Variants in GIT2 observed in about 807,000 individuals in gnomAD.
The protein encoded by GIT2 is ARF GTPase-activating protein GIT2.
Under a neutral mutation model 100.3 loss-of-function variants are expected in GIT2, and 32 were observed. The ratio of observed to expected loss-of-function variants is 0.32; its 90% CI spans 0.24 to 0.43. GIT2 has a LOEUF of 0.43. Ranked by LOEUF, GIT2 falls within the 20% of genes least tolerant of loss-of-function variation. The pLI is 1.00. For synonymous variants in GIT2, 353 were observed against 364.1 expected, an observed-to-expected ratio of 0.97 and a Z score of 0.35; for missense variants, 737 against 975.1, an observed-to-expected ratio of 0.76 and a Z score of 3.25.
intron 7 of GIT2, among the ~76,000 whole-genome samples, chr12:109,979,633 A>G (rs561150081): frequency 6.6e-6 from 1 of 152,282 alleles, no homozygotes; most frequent in African/African-American, 2.4e-5. Flanking sequence ...TTGAAGTCCT[A>G]TCAGAAGTAA....
In GIT2 at chr12:109,947,310, T is replaced by A; in HGVS notation, c.1587A>T (p.Gly529=). 6.2e-7 allele frequency: 1 copy of A among 1,614,134 alleles called. No individual in the cohort carries two copies. The highest frequency in any genetic ancestry group is 8.5e-7 in the Non-Finnish European group (1 of 1,179,980). ...GSGQKPYLPM[G]EASRPEESRM... is the part of the protein sequence containing the mutation. ...TGCTCTCTTCGGGGCGGCTCGCTTC[T>A]CCCATTGGGAGATATGGTTTCTGAC... The change falls in exon 15 of 20, where the codon GGA becomes GGT. Residue 529 remains glycine (G), a synonymous_variant. Coordinates refer to ENST00000355312, the MANE Select transcript of GIT2 (RefSeq NM_057169.5). The surrounding 1 kb of genome is among the most constrained non-coding windows in gnomAD (Gnocchi z 4.3).
In GIT2 at chr12:109,959,829, G is replaced by C; in HGVS notation, c.1099+18C>G. On this transcript the variant is annotated intron_variant, in intron 12 of 19. Transcript: ENST00000355312. ...AGAGGGCCAAAAAATGCAAGTGTTT[G>C]GAGGTTTGAGCAGTTACCTTTTGAA... is the stretch of plus-strand genomic sequence containing the variant. 6.9e-7 allele frequency: 1 copy of C among 1,448,474 alleles called. No homozygotes were observed. The highest frequency in any genetic ancestry group is 9.7e-7 in the Non-Finnish European group (1 of 1,029,782). The allele number at this position is 1,448,474 out of a possible 1,614,324, so 89.7% of individuals were successfully genotyped here.
At chr12:109,946,817 A>G (rs576867088) in intron 15 of GIT2, among the ~76,000 whole-genome samples, 13 of 152,312 alleles carry the variant, frequency 8.5e-5, no homozygotes, top group Admixed American at 2.6e-4. Context: ...GAGGAGCTGA[A>G]AAGACGTCTT....
At chr12:109,993,999 A>G (rs1387022987) in intron 1 of GIT2, among the ~76,000 whole-genome samples, 2 of 151,814 alleles carry the variant, frequency 1.3e-5, no homozygotes, top group Non-Finnish European at 2.9e-5. Context: ...CAGAGATTGG[A>G]AATGTCCAGA....
intron 14 of GIT2, among the ~76,000 whole-genome samples, chr12:109,950,267 G>A (rs899886028): frequency 7.2e-5 from 11 of 152,180 alleles, no homozygotes; most frequent in African/African-American, 2.7e-4. Context: ...AGTGTGCCAC[G>A]TCCTCAGGTC....
At chr12:109,995,237 A>T (rs543675258) in intron 1 of GIT2, among the ~76,000 whole-genome samples, 1 of 152,208 alleles carries the variant, frequency 6.6e-6, no homozygotes, top group Non-Finnish European at 1.5e-5. Context: ...TTGATCTCTA[A>T]ATGTGAATAT....
chr12:109,970,134 G>A (rs956157441), intron 7 of GIT2, among the ~76,000 whole-genome samples: 1 of 152,158 alleles, frequency 6.6e-6, no homozygotes, highest in African/African-American at 2.4e-5. Context: ...TTCGGGGTAA[G>A]GTGTGAGGTT....
Position 109,981,039 on chromosome 12 carries a change from C to G in GIT2, c.631G>C (p.Gly211Arg), listed in dbSNP as rs1886215835. Residue 211 changes from glycine to arginine, a missense_variant, in exon 7 of 20, where the codon GGG (glycine) becomes CGG (arginine). Gly to Arg is a moderately radical substitution (Grantham distance 125, BLOSUM62 -2). Around this residue, in one of 3 missense-constraint regions of GIT2, gnomAD observed 266 missense variants for 376.2 expected, o/e 0.71. Coordinates refer to ENST00000355312, the MANE Select transcript of GIT2 (RefSeq NM_057169.5). Reference sequence around the variant, plus strand: ...AGGCGCTCTGCCAGCTCATGGTGCCCTCCTTGCCTACCAAGAGAAAACAAA... The same window carrying G: ...AGGCGCTCTGCCAGCTCATGGTGCCGTCCTTGCCTACCAAGAGAAAACAAA... ...KTPVDYARQGGHHELAERLVE... is the reference protein window; with the variant it reads ...KTPVDYARQGRHHELAERLVE... 6.2e-7 allele frequency: 1 copy of G among 1,605,782 alleles called. No individual in the cohort carries two copies. The highest frequency in any genetic ancestry group is 1.1e-5 in the South Asian group (1 of 90,880).
At position 109,959,932 on chromosome 12, in the gene GIT2, G is replaced by A. The variant is rs148638091; in HGVS notation, c.1014C>T (p.Asn338=). 2.7e-5 allele frequency: 43 copies of A among 1,613,042 alleles called. No individual in the cohort carries two copies. Among genetic ancestry groups the A allele is most frequent in the African/African-American group, 1.5e-4 (11 of 74,872 alleles). Residue 338 remains asparagine (N), a synonymous_variant, in exon 12 of 20, where the codon AAC becomes AAT. Coordinates refer to ENST00000355312, the MANE Select transcript of GIT2 (RefSeq NM_057169.5). ...NQGRQKLARF[N]AHEFATLVID... ...TGACCAGCGTGGCAAACTCATGGGC[G>A]TTGAACCGAGCTAACTTCTGTCTGC...
chr12:109,980,220 G>A (rs1886034999), intron 7 of GIT2, among the ~76,000 whole-genome samples: 1 of 151,924 alleles, frequency 6.6e-6, no homozygotes, highest in Admixed American at 6.6e-5. Context: ...ACACCACCAT[G>A]CCTGGCTGAT....
intron 8 of GIT2, among the ~76,000 whole-genome samples, chr12:109,965,994 GTT>G (rs752096162): frequency 3.2e-4 from 39 of 122,418 alleles, no homozygotes; most frequent in African/African-American, 6.9e-4. Flanking sequence ...GGTCAGGGTT[GTT>G]TTTTTTTTTT....
chr12:109,951,332 G>A lies in GIT2; in HGVS notation c.1243-16C>T, dbSNP rs758103920. On this transcript the variant is annotated splice_polypyrimidine_tract_variant and intron_variant, in intron 13 of 19. Transcript: ENST00000355312. ...AATCTAGGCTCTAAAAATAAATTGG[G>A]AAAACGTTCACAATCTGAGATGACG... The A allele has an allele frequency of 6.3e-7, 1 of 1,594,930 alleles. No individual in the cohort carries two copies. Among genetic ancestry groups the A allele is most frequent in the Non-Finnish European group, 8.6e-7 (1 of 1,163,896 alleles).
At chr12:109,984,524 G>A (rs911360899) in intron 4 of GIT2, among the ~76,000 whole-genome samples, 3 of 152,048 alleles carry the variant, frequency 2.0e-5, no homozygotes, top group Admixed American at 2.0e-4. Context: ...ATGGCTCACT[G>A]CAGCCTCAGT....
At chr12:109,980,813 C>T in intron 7 of GIT2, 139 bp downstream of exon 7, 4 of 653,188 alleles carry the variant, frequency 6.1e-6, no homozygotes, top group East Asian at 5.1e-5. Flanking sequence ...TGTAGTTATC[C>T]TTTCAAATTA....
In GIT2 at chr12:109,947,597, CAAT is replaced by C; in HGVS notation, c.1393-96_1393-94del. 3 of 1,158,220 alleles carry C rather than the reference CAAT, an allele frequency of 2.6e-6. No homozygotes were observed. The highest frequency in any genetic ancestry group is 3.7e-6 in the Non-Finnish European group (3 of 801,066). 71.7% of individuals were successfully genotyped at this position (1,158,220 alleles called of 1,614,324 possible). A position where few individuals can be genotyped will look rare whatever the true frequency, so the allele number is the denominator to read the frequency against. ...AATGAATACAACTACCAGTTTTAAA[CAAT>C]AAGGACAGTAACAGCTAGCCGGGCT... On this transcript the variant is annotated intron_variant, in intron 14 of 19. Transcript: ENST00000355312. This position sits in a 1 kb window ranked among gnomAD's most constrained non-coding sequence, Gnocchi z 4.3.
At chr12:109,937,113 G>C (rs1873259368) in intron 18 of GIT2, among the ~76,000 whole-genome samples, 1 of 152,146 alleles carries the variant, frequency 6.6e-6, no homozygotes, top group Non-Finnish European at 1.5e-5. Context: ...CTTTTTCTCT[G>C]AGGAGCTTCC....
In GIT2 at chr12:109,963,182, T is replaced by C. The variant is rs57500585; in HGVS notation, c.817-1497A>G. Among the ~76,000 whole-genome samples, 744 of 152,302 alleles carry C rather than the reference T, an allele frequency of 4.9e-3. 5 individuals are homozygous for C. The highest frequency in any genetic ancestry group is 0.017 in the African/African-American group (712 of 41,560). ...AAGAACTGAAAGAAATGTACCAAAA[T>C]ATTGAGCCTGACTCCATTAAGAGTA... On this transcript the variant is annotated intron_variant, in intron 9 of 19. Coordinates refer to ENST00000355312, the MANE Select transcript of GIT2 (RefSeq NM_057169.5).
chr12:109,990,822 G>C (rs898876396), intron 2 of GIT2, among the ~76,000 whole-genome samples: 23 of 152,166 alleles, frequency 1.5e-4, no homozygotes, highest in Non-Finnish European at 2.6e-4. Flanking sequence ...ATTTAATTTG[G>C]TCTCTCTGAC....
intron 4 of GIT2, among the ~76,000 whole-genome samples, chr12:109,987,111 G>A (rs1005837417): frequency 2.3e-4 from 35 of 152,204 alleles, no homozygotes; most frequent in South Asian, 4.1e-4. Context: ...GGCCAGGCGC[G>A]GTGGCTCCTG....
Sources: gnomAD v4.1 joint callset for allele counts (sites outside exome capture counted in the v4.1 genomes callset) on GRCh38, gnomAD v4.1.1 for gene constraint, gnomAD v4.1.1 regional missense constraint, Gnocchi (gnomAD v3.1) non-coding constraint, MANE v1.5 for transcripts, NCBI Gene and HGNC (gene_info 2026-07-23, HGNC 2026-07-21) for gene names.